Variants in PDE6B observed in about 807,000 individuals in gnomAD.
PDE6B encodes the protein phosphodiesterase 6B.
A neutral mutation model predicts 109.0 loss-of-function variants in PDE6B; 106 were observed. That is an observed-to-expected ratio of 0.97 (90% CI 0.83 to 1.14). The LOEUF is 1.14. Among genes scored for constraint, PDE6B ranks in the 50% most tolerant of loss-of-function variants. The pLI, the probability that PDE6B is intolerant of heterozygous loss-of-function variation, is 0.00. For synonymous variants in PDE6B, 490 were observed against 471.3 expected (o/e 1.04, Z -0.51); for missense variants, 1,193 against 1,155.6 (o/e 1.03, Z -0.47).
rs1189567237 is a variant in PDE6B at position 635,045 on chromosome 4, A to G, written c.621+216A>G. Among the ~76,000 whole-genome samples, 37 of 97,514 alleles carry G rather than the reference A, an allele frequency of 3.8e-4. 2 individuals are homozygous for G. The highest frequency in any genetic ancestry group is 4.6e-5 in the African/African-American group (1 of 21,664). The allele number at this position is 97,514 out of a possible 152,430, so 64.0% of individuals were successfully genotyped here. On this transcript the variant is annotated intron_variant, in intron 2 of 21. Coordinates refer to ENST00000496514, the MANE Select transcript of PDE6B (RefSeq NM_000283.4). ...CCCGCGTGTTCTGTGCTGCGCGTCC[A>G]CCTCCTTACCTGCCTGCCCGCCTGC...
chr4:663,729 T>G lies in PDE6B; in HGVS notation c.1921-41T>G. On this transcript the variant is annotated intron_variant, in intron 15 of 21. Coordinates refer to ENST00000496514, the MANE Select transcript of PDE6B (RefSeq NM_000283.4). The surrounding 1 kb of genome is among the most constrained non-coding windows in gnomAD (Gnocchi z 4.0). ...CGGGGTCCCCGGGCACCCTGAGAGG[T>G]GGCCGCAGGGCGCCTGACGCGCTGG... is the stretch of plus-strand genomic sequence containing the variant. The G allele has an allele frequency of 6.7e-7, 1 of 1,488,718 alleles. No individual in the cohort carries two copies. The highest frequency in any genetic ancestry group is 9.3e-7 in the Non-Finnish European group (1 of 1,069,700). 92.2% of individuals were successfully genotyped at this position (1,488,718 alleles called of 1,614,324 possible). A position where few individuals can be genotyped will look rare whatever the true frequency, so the allele number is the denominator to read the frequency against.
chr4:648,944 G>A lies in PDE6B; in HGVS notation c.712-4908G>A, dbSNP rs2109168292. 6.6e-6 allele frequency among the ~76,000 whole-genome samples: 1 copy of A among 152,356 alleles called. No homozygotes were observed. Among genetic ancestry groups the A allele is most frequent in the Middle Eastern group, 3.4e-3 (1 of 294 alleles). On this transcript the variant is annotated intron_variant, in intron 3 of 21. Transcript: ENST00000496514. The surrounding 1 kb of genome is among the most constrained non-coding windows in gnomAD (Gnocchi z 4.5). ...TCTGCAGGTCTGACTCCTGCCTCCT[G>A]TGAGGAAGCAGAGCCATTCAGAAGT...
intron 18 of PDE6B, 26 bp downstream of exon 18, chr4:664,970 C>G: frequency 6.4e-7 from 1 of 1,566,676 alleles, no homozygotes; most frequent in South Asian, 1.1e-5. Context: ...CCTCCAGACC[C>G]AGAGTCAGTG....
chr4:663,287 G>GGTGAGCACTGGGTGT lies in PDE6B; in HGVS notation c.1920+113_1920+127dup, dbSNP rs1737344865. On this transcript the variant is annotated intron_variant, in intron 15 of 21. Coordinates refer to ENST00000496514, the MANE Select transcript of PDE6B (RefSeq NM_000283.4). This position sits in a 1 kb window ranked among gnomAD's most constrained non-coding sequence, Gnocchi z 4.0. The stretch of plus-strand genomic sequence containing the variant: ...TGCGGAGCAGGGTTCTGATGCAGCG[G>GGTGAGCACTGGGTGT]GTGAGCACTGGGTGTGTGAGCACTG... 9 of 771,374 alleles carry GGTGAGCACTGGGTGT rather than the reference G, an allele frequency of 1.2e-5. No homozygotes were observed. The highest frequency in any genetic ancestry group is 3.4e-5 in the African/African-American group (2 of 58,560). 47.8% of individuals were successfully genotyped at this position (771,374 alleles called of 1,614,324 possible).
At chr4:632,086 C>T (rs1734413159) in intron 1 of PDE6B, among the ~76,000 whole-genome samples, 1 of 148,328 alleles carries the variant, frequency 6.7e-6, no homozygotes, top group Non-Finnish European at 1.5e-5. Context: ...TCTGCTATCT[C>T]AGGGTCACAT....
Position 625,843 on chromosome 4 carries a change from G to A in PDE6B, c.217G>A (p.Glu73Lys), listed in dbSNP as rs779379143. Reference protein sequence around the residue: ...VQDMQESINMERVVFKVLRRL... With the variant: ...VQDMQESINMKRVVFKVLRRL... ...GGATATGCAGGAGAGCATCAACATGGAGCGCGTGGTCTTCAAGGTCCTGCG... is the reference window on the plus strand; with the variant it reads ...GGATATGCAGGAGAGCATCAACATGAAGCGCGTGGTCTTCAAGGTCCTGCG... The change falls in exon 1 of 22, where the codon GAG becomes AAG. Residue 73 changes from glutamate (E) to lysine (K), a missense_variant. Glu to Lys is a moderately conservative substitution (Grantham distance 56). Coordinates refer to ENST00000496514, the MANE Select transcript of PDE6B (RefSeq NM_000283.4). This position sits in a 1 kb window ranked among gnomAD's most constrained non-coding sequence, Gnocchi z 5.0. 6 of 1,612,622 alleles carry A rather than the reference G, an allele frequency of 3.7e-6. No homozygotes were observed. The highest frequency in any genetic ancestry group is 2.2e-5 in the East Asian group (1 of 44,880).
Position 670,677 on chromosome 4 carries a change from A to G in PDE6B, c.*570A>G, listed in dbSNP as rs955526725. On this transcript the variant is annotated 3_prime_UTR_variant, in exon 22 of 22. Coordinates refer to ENST00000496514, the MANE Select transcript of PDE6B (RefSeq NM_000283.4). ...TCACTGAGAACATTTGCAGCCACACATGTACATATGTGTACACAGGTAGAC... is the reference window on the plus strand; with the variant it reads ...TCACTGAGAACATTTGCAGCCACACGTGTACATATGTGTACACAGGTAGAC... 3 of 168,626 alleles carry G rather than the reference A, an allele frequency of 1.8e-5. No homozygotes were observed. The highest frequency in any genetic ancestry group is 7.2e-5 in the African/African-American group (3 of 41,584). 10.4% of individuals were successfully genotyped at this position (168,626 alleles called of 1,614,324 possible).
At chr4:627,706 T>A (rs1734184464) in intron 1 of PDE6B, among the ~76,000 whole-genome samples, 1 of 81,426 alleles carries the variant, frequency 1.2e-5, no homozygotes, top group South Asian at 4.2e-4. Flanking sequence ...CCCTCCTCCC[T>A]CCTTTTCTGC....
intron 3 of PDE6B, among the ~76,000 whole-genome samples, chr4:647,686 G>A (rs576040025): frequency 3.3e-5 from 5 of 151,972 alleles, no homozygotes; most frequent in East Asian, 3.9e-4. Context: ...ACTCACCATC[G>A]CATCTCGGGT....
In PDE6B at chr4:656,015, C is replaced by T. The variant is rs112918073; in HGVS notation, c.1059+9C>T. 5.7e-6 allele frequency: 9 copies of T among 1,568,428 alleles called. No homozygotes were observed. Among genetic ancestry groups the T allele is most frequent in the East Asian group, 2.2e-5 (1 of 44,656 alleles). ...TGGCAGAAAGCGGCTTTGTGAGTCC[C>T]GTGCTGTCTGGAGTCCCCACAGCCT... On this transcript the variant is annotated intron_variant, in intron 7 of 21. Coordinates refer to ENST00000496514, the MANE Select transcript of PDE6B (RefSeq NM_000283.4).
At chr4:659,118 C>G in intron 11 of PDE6B, 101 bp downstream of exon 11, 1 of 847,692 alleles carries the variant, frequency 1.2e-6, no homozygotes, top group Non-Finnish European at 2.0e-6. Flanking sequence ...TTTGCACACA[C>G]GGTCATCAGG....
At position 662,163 on chromosome 4, in the gene PDE6B, C is replaced by G; in HGVS notation, c.1644C>G (p.Ser548Arg). The G allele has an allele frequency of 6.3e-7, 1 of 1,575,436 alleles. No homozygotes were observed. The highest frequency in any genetic ancestry group is 8.6e-7 in the Non-Finnish European group (1 of 1,159,992). Residue 548 changes from serine (S) to arginine (R), a missense_variant, in exon 13 of 22, where the codon AGC (serine) becomes AGG (arginine). Physicochemically the swap from Ser to Arg is moderately radical, Grantham distance 110. Coordinates refer to ENST00000496514, the MANE Select transcript of PDE6B (RefSeq NM_000283.4). The surrounding 1 kb of genome is among the most constrained non-coding windows in gnomAD (Gnocchi z 4.3). ...TGGTGCGGTTCCTGTTCTCCATCAG[C>G]AAAGGGTACCGGAGAATCACCTACC... is the stretch of plus-strand genomic sequence containing the variant. Reference protein sequence around the residue: ...EVLVRFLFSISKGYRRITYHN... With the variant: ...EVLVRFLFSIRKGYRRITYHN...
chr4:663,081 T>A lies in PDE6B; in HGVS notation c.1833-19T>A, dbSNP rs770219200. 1.3e-6 allele frequency: 2 copies of A among 1,509,882 alleles called. No individual in the cohort carries two copies. The highest frequency in any genetic ancestry group is 1.8e-6 in the Non-Finnish European group (2 of 1,085,174). 93.5% of individuals were successfully genotyped at this position (1,509,882 alleles called of 1,614,324 possible). On this transcript the variant is annotated intron_variant, in intron 14 of 21. Coordinates refer to ENST00000496514, the MANE Select transcript of PDE6B (RefSeq NM_000283.4). The surrounding 1 kb of genome is among the most constrained non-coding windows in gnomAD (Gnocchi z 4.0). ...AAGGGCAGGTCCCACGGGCCTCACC[T>A]CCACCACCTGTGTAACAGGTCCCAG...
chr4:658,398 T>G (rs1223946402), intron 10 of PDE6B, among the ~76,000 whole-genome samples: 29 of 121,758 alleles, frequency 2.4e-4, no homozygotes, highest in Non-Finnish European at 3.8e-4. Context: ...CGTCCAGGGG[T>G]CACGGCTGTG....
intron 7 of PDE6B, 85 bp from the exon 8 acceptor site, chr4:656,160 T>TC: frequency 9.2e-7 from 1 of 1,089,822 alleles, no homozygotes; most frequent in African/African-American, 1.5e-5. Flanking sequence ...ACTTAAAAGC[T>TC]CACCTCAGGG....
intron 7 of PDE6B, 81 bp from the exon 8 acceptor site, chr4:656,164 C>A: frequency 9.0e-7 from 1 of 1,108,786 alleles, no homozygotes. Flanking sequence ...AAAAGCTCAC[C>A]TCAGGGCCAC....
Position 666,752 on chromosome 4 carries a change from G to C in PDE6B, c.2352+138G>C, listed in dbSNP as rs1468628671. On this transcript the variant is annotated intron_variant, in intron 20 of 21. Coordinates refer to ENST00000496514, the MANE Select transcript of PDE6B (RefSeq NM_000283.4). The surrounding 1 kb of genome is among the most constrained non-coding windows in gnomAD (Gnocchi z 5.6). Reference sequence around the variant, plus strand: ...GAGTAGGGATGCCAGTGCCAGCTTCGTGCCGCTCTTGAGTGGGGCAAATGG... The same window carrying C: ...GAGTAGGGATGCCAGTGCCAGCTTCCTGCCGCTCTTGAGTGGGGCAAATGG... The C allele has an allele frequency of 1.1e-5, 8 of 698,516 alleles. No homozygotes were observed. The highest frequency in any genetic ancestry group is 3.0e-4 in the Middle Eastern group (1 of 3,362). 43.3% of individuals were successfully genotyped at this position (698,516 alleles called of 1,614,324 possible).
intron 1 of PDE6B, among the ~76,000 whole-genome samples, chr4:631,062 C>T (rs949402608): frequency 9.9e-5 from 15 of 152,178 alleles, no homozygotes; most frequent in African/African-American, 2.9e-4. Context: ...GGAGAAAAGA[C>T]GGCAGACGAA....
intron 2 of PDE6B, among the ~76,000 whole-genome samples, chr4:635,172 C>T (rs1259891670): frequency 8.2e-5 from 10 of 122,454 alleles, no homozygotes; most frequent in Admixed American, 1.6e-4. Context: ...TTCTGTGCTG[C>T]GCGTCCACCT....
Sources: gnomAD v4.1 joint callset for allele counts (sites outside exome capture counted in the v4.1 genomes callset) on GRCh38, gnomAD v4.1.1 for gene constraint, Gnocchi (gnomAD v3.1) non-coding constraint, MANE v1.5 for transcripts, NCBI Gene and HGNC (gene_info 2026-07-23, HGNC 2026-07-21) for gene names.